Variants in NTNG1 observed in about 807,000 individuals in gnomAD.
NTNG1 encodes the protein netrin-G1.
Under a neutral mutation model 54.0 loss-of-function variants are expected in NTNG1, and 16 were observed. The ratio of observed to expected loss-of-function variants is 0.30; its 90% CI spans 0.20 to 0.45. The LOEUF (loss-of-function observed/expected upper bound fraction) is 0.45. NTNG1 is among the 20% of genes least tolerant of loss of function. The pLI, the probability that NTNG1 is intolerant of heterozygous loss-of-function variation, is 1.00. For synonymous variants in NTNG1, 255 were observed against 263.1 expected, an observed-to-expected ratio of 0.97 and a Z score of 0.30; for missense variants, 530 against 678.7, an observed-to-expected ratio of 0.78 and a Z score of 2.43.
intron 3 of NTNG1, among the ~76,000 whole-genome samples, chr1:107,380,539 A>G: frequency 6.6e-6 from 1 of 152,208 alleles, no homozygotes; most frequent in East Asian, 1.9e-4. Context: ...ACACCATTAC[A>G]CTGTTAGGAA....
intron 7 of NTNG1, among the ~76,000 whole-genome samples, chr1:107,477,721 T>C (rs1678419699): frequency 4.4e-5 from 1 of 22,610 alleles, no homozygotes; most frequent in African/African-American, 8.0e-5. Context: ...AATACGTTTT[T>C]TGTAGATTTT....
intron 7 of NTNG1, among the ~76,000 whole-genome samples, chr1:107,460,058 A>G (rs1027758234): frequency 6.6e-5 from 10 of 152,188 alleles, no homozygotes; most frequent in African/African-American, 2.2e-4. Context: ...AGATAAGATT[A>G]GAAAATAATT....
chr1:107,380,792 C>T lies in NTNG1; in HGVS notation c.888-14362C>T, dbSNP rs148928616. Among the ~76,000 whole-genome samples the T allele has an allele frequency of 2.3e-3, 344 of 152,300 alleles. 1 individual carries two copies. The highest frequency in any genetic ancestry group is 7.8e-3 in the African/African-American group (323 of 41,570). On this transcript the variant is annotated intron_variant, in intron 3 of 7. Coordinates refer to ENST00000370068, the MANE Select transcript of NTNG1 (RefSeq NM_001113226.3). Reference sequence around the variant, plus strand: ...TCCCCTGACCATACCCTGACCATCCCCTGCTGGTCCCTTACCCTCAAGAAG... The same window carrying T: ...TCCCCTGACCATACCCTGACCATCCTCTGCTGGTCCCTTACCCTCAAGAAG...
chr1:107,283,425 G>C (rs1032389494), intron 2 of NTNG1, among the ~76,000 whole-genome samples: 4 of 152,138 alleles, frequency 2.6e-5, no homozygotes, highest in Admixed American at 2.6e-4. Context: ...GCTCCACCCT[G>C]TCCAATCCTC....
At chr1:107,380,327 T>C (rs1458561511) in intron 3 of NTNG1, among the ~76,000 whole-genome samples, 1 of 152,194 alleles carries the variant, frequency 6.6e-6, no homozygotes, top group Non-Finnish European at 1.5e-5. Context: ...TTTAAAGTAT[T>C]GCTAATAGGA....
At chr1:107,422,492 TG>T (rs1169974693) in intron 5 of NTNG1, among the ~76,000 whole-genome samples, 1 of 152,022 alleles carries the variant, frequency 6.6e-6, no homozygotes, top group East Asian at 1.9e-4. Context: ...GACACATTCC[TG>T]GGGGCAGGGA....
intron 2 of NTNG1, among the ~76,000 whole-genome samples, chr1:107,259,342 C>T (rs74108676): frequency 0.015 from 2,232 of 151,980 alleles, 53 homozygotes; most frequent in African/African-American, 0.051. Context: ...GGAAAAAGCT[C>T]GGTGCTATAA....
intron 7 of NTNG1, among the ~76,000 whole-genome samples, chr1:107,453,455 C>T (rs927377417): frequency 2.0e-5 from 3 of 152,252 alleles, no homozygotes; most frequent in Non-Finnish European, 2.9e-5. Flanking sequence ...TTTTCTTTCC[C>T]TCAGCAGGTA....
At chr1:107,395,061 A>C in intron 3 of NTNG1, 93 bp from the exon 4 acceptor site, 2 of 926,150 alleles carry the variant, frequency 2.2e-6, no homozygotes, top group Non-Finnish European at 3.4e-6. Flanking sequence ...TCACTAAAGC[A>C]CTGCATGGTT....
At chr1:107,152,644 A>G (rs1253748860) in intron 2 of NTNG1, among the ~76,000 whole-genome samples, 1 of 152,192 alleles carries the variant, frequency 6.6e-6, no homozygotes, top group Non-Finnish European at 1.5e-5. Flanking sequence ...GAAGCCCTTG[A>G]GTGCTGCTAT....
chr1:107,205,696 G>A (rs1326838010), intron 2 of NTNG1, among the ~76,000 whole-genome samples: 2 of 151,890 alleles, frequency 1.3e-5, no homozygotes, highest in Non-Finnish European at 2.9e-5. Flanking sequence ...ACAGAACAAT[G>A]AATTTTCACA....
intron 5 of NTNG1, chr1:107,408,147 C>T (rs528035783): frequency 3.9e-6 from 1 of 253,224 alleles, no homozygotes; most frequent in Non-Finnish European, 7.8e-6. Flanking sequence ...CATCAGAACC[C>T]AAGAAAAAGT....
chr1:107,278,704 G>A (rs982900920), intron 2 of NTNG1, among the ~76,000 whole-genome samples: 9 of 152,198 alleles, frequency 5.9e-5, no homozygotes, highest in African/African-American at 2.2e-4. Flanking sequence ...AATAATGGGT[G>A]CAGCATTATT....
intron 3 of NTNG1, among the ~76,000 whole-genome samples, chr1:107,357,781 C>G (rs750933050): frequency 6.6e-6 from 1 of 151,962 alleles, no homozygotes. Flanking sequence ...GCTATCTGGT[C>G]CTTAACTTTC....
In NTNG1 at chr1:107,166,834, ACAT is replaced by A. The variant is rs1399522589; in HGVS notation, c.246+17996_246+17998del. ...AAAACGTTCTAGAGATATGAGACTT[ACAT>A]AATGGAGATATACAATATCTACATA... On this transcript the variant is annotated intron_variant, in intron 2 of 7. Coordinates refer to ENST00000370068, the MANE Select transcript of NTNG1 (RefSeq NM_001113226.3). Among the ~76,000 whole-genome samples the A allele has an allele frequency of 3.3e-5, 5 of 152,198 alleles. No homozygotes were observed. The East Asian group carries it at 9.6e-4, about 29-fold the overall frequency.
At chr1:107,457,621 T>C (rs577994735) in intron 7 of NTNG1, among the ~76,000 whole-genome samples, 1 of 152,276 alleles carries the variant, frequency 6.6e-6, no homozygotes, top group Non-Finnish European at 1.5e-5. Context: ...TAGAAAATCT[T>C]ATGCATTTTT....
At chr1:107,177,949 C>T (rs1474691437) in intron 2 of NTNG1, among the ~76,000 whole-genome samples, 1 of 152,146 alleles carries the variant, frequency 6.6e-6, no homozygotes, top group Admixed American at 6.6e-5. Context: ...TTGTATCTCT[C>T]AACCCTCCCA....
chr1:107,175,153 T>A (rs973314121), intron 2 of NTNG1, among the ~76,000 whole-genome samples: 2 of 152,172 alleles, frequency 1.3e-5, no homozygotes, highest in African/African-American at 4.8e-5. Flanking sequence ...TTCTTAAGAA[T>A]TCCAAACTCA....
chr1:107,203,195 A>AT (rs972750568), intron 2 of NTNG1, among the ~76,000 whole-genome samples: 78 of 145,990 alleles, frequency 5.3e-4, no homozygotes, highest in African/African-American at 1.8e-3. Flanking sequence ...TCAGTCACTC[A>AT]TTTTTTTTTC....
Sources: allele counts gnomAD v4.1 joint callset (sites outside exome capture counted in the v4.1 genomes callset), GRCh38; gene constraint gnomAD v4.1.1; transcripts MANE v1.5; gene names NCBI Gene and HGNC (gene_info 2026-07-23, HGNC 2026-07-21).